FSHR: variants seen among roughly 807,000 people sequenced by gnomAD.
The protein encoded by FSHR is follicle stimulating hormone receptor, also known as follicle-stimulating hormone receptor.
In FSHR, 46 loss-of-function variants were observed where a neutral mutation model predicts 52.1. The observed-to-expected ratio is 0.88, with a 90% CI of 0.70 to 1.13. FSHR has a LOEUF of 1.13. FSHR is among the 50% of genes most tolerant of loss of function. The pLI is 0.00. For synonymous variants in FSHR, 399 were observed against 309.6 expected (o/e 1.29, Z -3.03); for missense variants, 964 against 834.6 (o/e 1.16, Z -1.91).
chr2:49,114,855 A>G (rs1205000840), intron 1 of FSHR, among the ~76,000 whole-genome samples: 1 of 152,120 alleles, frequency 6.6e-6, no homozygotes, highest in Non-Finnish European at 1.5e-5. Flanking sequence ...TACAATGATC[A>G]TACAACCTTT....
intron 4 of FSHR, among the ~76,000 whole-genome samples, chr2:48,996,103 TTTCTC>T (rs1216465829): frequency 6.6e-6 from 1 of 152,136 alleles, no homozygotes; most frequent in African/African-American, 2.4e-5. Context: ...GTTGAACTCT[TTTCTC>T]TACCTACTAA....
intron 2 of FSHR, among the ~76,000 whole-genome samples, chr2:49,052,248 C>T (rs1668887397): frequency 6.8e-6 from 1 of 147,966 alleles, no homozygotes; most frequent in Non-Finnish European, 1.5e-5. Flanking sequence ...CAAATACATC[C>T]CCATGGTCTA....
chr2:49,138,314 C>T (rs1672558335), intron 1 of FSHR, among the ~76,000 whole-genome samples: 4 of 152,058 alleles, frequency 2.6e-5, no homozygotes, highest in African/African-American at 9.7e-5. Context: ...TGGTGATACC[C>T]TAAAGGATTA....
chr2:49,007,921 A>G (rs1667125902), intron 4 of FSHR, among the ~76,000 whole-genome samples: 1 of 152,008 alleles, frequency 6.6e-6, no homozygotes, highest in Non-Finnish European at 1.5e-5. Flanking sequence ...GTACAAAGAG[A>G]TGAAGTCTCT....
chr2:49,052,680 C>G (rs1170967050), intron 2 of FSHR, among the ~76,000 whole-genome samples: 1 of 152,150 alleles, frequency 6.6e-6, no homozygotes, highest in Non-Finnish European at 1.5e-5. Flanking sequence ...CTAACACTGG[C>G]CTTTCATTTT....
chr2:49,150,590 G>A (rs1273045196), intron 1 of FSHR, among the ~76,000 whole-genome samples: 2 of 152,024 alleles, frequency 1.3e-5, no homozygotes, highest in African/African-American at 2.4e-5. Flanking sequence ...TACAGCCAAA[G>A]GTCCAGATAA....
At chr2:49,054,331 A>G (rs1668975821) in intron 2 of FSHR, among the ~76,000 whole-genome samples, 4 of 152,122 alleles carry the variant, frequency 2.6e-5, no homozygotes, top group Admixed American at 2.0e-4. Context: ...CATGCCTCCA[A>G]GCTGGCTAAG....
intron 1 of FSHR, among the ~76,000 whole-genome samples, chr2:49,139,529 T>G (rs992389299): frequency 1.3e-5 from 2 of 152,106 alleles, no homozygotes; most frequent in Non-Finnish European, 2.9e-5. Flanking sequence ...AAATTAGGGT[T>G]GTGAGGCATA....
At chr2:48,995,061 C>A (rs1242604860) in intron 4 of FSHR, among the ~76,000 whole-genome samples, 1 of 152,148 alleles carries the variant, frequency 6.6e-6, no homozygotes, top group Non-Finnish European at 1.5e-5. Context: ...GCTCATTGTC[C>A]TAAACATCAT....
intron 4 of FSHR, among the ~76,000 whole-genome samples, chr2:48,992,511 G>A (rs1675830708): frequency 6.6e-6 from 1 of 152,202 alleles, no homozygotes. Flanking sequence ...CAGTGATTCA[G>A]GACTGTCTTT....
At chr2:49,111,544 C>T (rs1376268933) in intron 1 of FSHR, among the ~76,000 whole-genome samples, 1 of 152,042 alleles carries the variant, frequency 6.6e-6, no homozygotes, top group Admixed American at 6.6e-5. Flanking sequence ...GTTCAGGTCT[C>T]AAAAGAAGGT....
At chr2:49,151,056 T>G (rs2103861643) in intron 1 of FSHR, among the ~76,000 whole-genome samples, 1 of 152,248 alleles carries the variant, frequency 6.6e-6, no homozygotes, top group East Asian at 1.9e-4. Flanking sequence ...TGGCTGCTTT[T>G]CTGCTACTGT....
intron 2 of FSHR, among the ~76,000 whole-genome samples, chr2:49,064,241 G>T (rs543890394): frequency 3.5e-4 from 49 of 140,888 alleles, no homozygotes; most frequent in African/African-American, 9.0e-4. Flanking sequence ...TTACACAAGT[G>T]CTCTGGTTTA....
chr2:49,081,322 A>C (rs1174528299), intron 1 of FSHR, among the ~76,000 whole-genome samples: 3 of 152,186 alleles, frequency 2.0e-5, no homozygotes, highest in African/African-American at 4.8e-5. Flanking sequence ...CAAGAAGTAC[A>C]TAATTGTATC....
Position 48,963,866 on chromosome 2 carries a change from C to G in FSHR, c.955G>C (p.Glu319Gln). ...TCAAATCCTCTGCTGTAGCTGGACT[C>G]ATTGTCTTCTGCCAGAGAGGATCTC... ...GQRSSLAEDN[E>Q]SSYSRGFDMT... The change falls in exon 10 of 10, where the codon GAG becomes CAG. Residue 319 changes from glutamate (E) to glutamine (Q), a missense_variant. By Grantham distance (29) the Glu-to-Gln change is conservative. Coordinates refer to ENST00000406846, the MANE Select transcript of FSHR (RefSeq NM_000145.4). 6.2e-7 allele frequency: 1 copy of G among 1,614,186 alleles called. No individual in the cohort carries two copies. Among genetic ancestry groups the G allele is most frequent in the Non-Finnish European group, 8.5e-7 (1 of 1,180,014 alleles).
intron 1 of FSHR, among the ~76,000 whole-genome samples, chr2:49,115,250 G>A (rs1671558644): frequency 6.6e-6 from 1 of 151,762 alleles, no homozygotes; most frequent in Non-Finnish European, 1.5e-5. Context: ...AATACCTCTG[G>A]AAATGTTTGG....
intron 2 of FSHR, among the ~76,000 whole-genome samples, chr2:49,029,434 C>A (rs1668025005): frequency 6.6e-6 from 1 of 152,118 alleles, no homozygotes; most frequent in African/African-American, 2.4e-5. Context: ...AAATTTGAAC[C>A]CCCAGCTCTC....
chr2:49,108,777 T>C (rs949729814), intron 1 of FSHR, among the ~76,000 whole-genome samples: 2 of 151,904 alleles, frequency 1.3e-5, no homozygotes, highest in African/African-American at 4.8e-5. Context: ...GCAACGAAAA[T>C]GAATGGGGAT....
At chr2:49,031,068 A>C (rs963873118) in intron 2 of FSHR, among the ~76,000 whole-genome samples, 2 of 152,206 alleles carry the variant, frequency 1.3e-5, no homozygotes, top group Non-Finnish European at 2.9e-5. Context: ...GGGGATCAAC[A>C]ACCTGGTTCA....
Sources: gnomAD v4.1 joint callset for allele counts (sites outside exome capture counted in the v4.1 genomes callset) on GRCh38, gnomAD v4.1.1 for gene constraint, MANE v1.5 for transcripts, NCBI Gene and HGNC (gene_info 2026-07-23, HGNC 2026-07-21) for gene names.